CCT7: variants seen among roughly 807,000 people sequenced by gnomAD.
The protein encoded by CCT7 is chaperonin containing TCP1 subunit 7.
Under a neutral mutation model 56.6 loss-of-function variants are expected in CCT7, and 16 were observed. That is an observed-to-expected ratio of 0.28 (90% confidence interval 0.19 to 0.43). The LOEUF (loss-of-function observed/expected upper bound fraction) is 0.43, where lower values mean the gene tolerates loss of function less well. CCT7 is among the 20% of genes least tolerant of loss of function. The probability of loss-of-function intolerance (pLI) is 1.00; values close to 1 mark genes in which losing one functional copy is unlikely to be tolerated. For missense variants in CCT7, 519 were observed against 685.6 expected (o/e 0.76, Z 2.71); for synonymous variants, 262 against 254.8 (o/e 1.03, Z -0.27).
chr2:73,238,974 T>C (rs1686992815), intron 1 of CCT7: 1 of 152,284 alleles, frequency 6.6e-6, no homozygotes, highest in African/African-American at 2.4e-5. Flanking sequence ...CTTTGGGGTA[T>C]CTGATTGGAA....
chr2:73,250,564 G>C (rs763198950), intron 10 of CCT7, 126 bp downstream of exon 10: 60 of 1,016,426 alleles, frequency 5.9e-5, no homozygotes, highest in Non-Finnish European at 7.4e-5. Context: ...GGTGTGGTGA[G>C]CCCTGATTTG....
Position 73,244,065 on chromosome 2 carries a change from GTTTTTT to G in CCT7, c.446+28_446+33del, listed in dbSNP as rs11289471. On this transcript the variant is annotated intron_variant, in intron 5 of 11. Coordinates refer to ENST00000258091, the MANE Select transcript of CCT7 (RefSeq NM_006429.4). Reference sequence around the variant, plus strand: ...CAGATAAAGTGTAAGTCTGTAGTGGGTTTTTTTTTTTTTTTTTAAAGAGACGGAGCC... The same window carrying G: ...CAGATAAAGTGTAAGTCTGTAGTGGGTTTTTTTTTTTAAAGAGACGGAGCC... The G allele has an allele frequency of 7.0e-7, 1 of 1,438,262 alleles. No individual in the cohort carries two copies. The highest frequency in any genetic ancestry group is 9.4e-7 in the Non-Finnish European group (1 of 1,061,016). The allele number at this position is 1,438,262 out of a possible 1,614,324, so 89.1% of individuals were successfully genotyped here.
intron 7 of CCT7, 151 bp downstream of exon 7, chr2:73,248,077 G>C (rs1167821747): frequency 2.8e-6 from 2 of 704,712 alleles, no homozygotes; most frequent in Non-Finnish European, 4.7e-6. Flanking sequence ...TCCATACTCT[G>C]TGTTCTCCCT....
chr2:73,247,323 G>A (rs1028425502), intron 6 of CCT7, among the ~76,000 whole-genome samples: 2 of 152,192 alleles, frequency 1.3e-5, no homozygotes, highest in African/African-American at 4.8e-5. Context: ...GAGGTGTACA[G>A]GAGGATACTT....
chr2:73,242,997 CT>C lies in CCT7; in HGVS notation c.268-5del. Reference sequence around the variant, plus strand: ...GAAAACGTGTATTTCCTGTCATCATCTTCCAGGTGGGTGATGGCACCACCTC... The same window carrying C: ...GAAAACGTGTATTTCCTGTCATCATCTCCAGGTGGGTGATGGCACCACCTC... On this transcript the variant is annotated splice_polypyrimidine_tract_variant and splice_region_variant and intron_variant, in intron 3 of 11. Transcript: ENST00000258091. 1.2e-6 allele frequency: 2 copies of C among 1,613,806 alleles called. No homozygotes were observed. The highest frequency in any genetic ancestry group is 1.7e-6 in the Non-Finnish European group (2 of 1,179,898).
intron 1 of CCT7, among the ~76,000 whole-genome samples, chr2:73,238,785 G>A (rs1005893145): frequency 4.6e-5 from 7 of 152,212 alleles, no homozygotes; most frequent in African/African-American, 7.2e-5. Context: ...GGTTTGCTAA[G>A]CTGAGAAATT....
intron 4 of CCT7, among the ~76,000 whole-genome samples, chr2:73,243,391 A>G (rs988213538): frequency 3.3e-5 from 5 of 152,134 alleles, no homozygotes; most frequent in African/African-American, 9.7e-5. Context: ...TAAGAGACTC[A>G]TGGCATACTA....
Position 73,251,171 on chromosome 2 carries a change from A to C in CCT7, c.1204-55A>C. 2.0e-6 allele frequency: 3 copies of C among 1,538,330 alleles called. 1 individual carries two copies. The highest frequency in any genetic ancestry group is 2.3e-5 in the East Asian group (1 of 44,384). On this transcript the variant is annotated intron_variant, in intron 10 of 11. Coordinates refer to ENST00000258091, the MANE Select transcript of CCT7 (RefSeq NM_006429.4). ...GAAGGGACCTACTGAGTGGCCCAGC[A>C]TGGAAGCTTGGACCAGGGGCCCTCT...
At chr2:73,251,156 A>C (rs1687558226) in intron 10 of CCT7, 70 bp from the exon 11 acceptor site, 3 of 1,420,810 alleles carry the variant, frequency 2.1e-6, no homozygotes, top group Non-Finnish European at 2.0e-6. Context: ...GAAGGGACCT[A>C]CTGAGTGGCC....
At chr2:73,252,078 C>T (rs553367879) in intron 11 of CCT7, among the ~76,000 whole-genome samples, 1 of 152,066 alleles carries the variant, frequency 6.6e-6, no homozygotes, top group Non-Finnish European at 1.5e-5. Context: ...AAGTGTGACC[C>T]TGGGCTAGTT....
chr2:73,252,281 T>C (rs1687623186), intron 11 of CCT7, among the ~76,000 whole-genome samples: 1 of 150,814 alleles, frequency 6.6e-6, no homozygotes, highest in Admixed American at 6.6e-5. Flanking sequence ...AAAGATGGGA[T>C]AGTATTTTTG....
chr2:73,246,618 C>CTGT (rs1687350365), intron 6 of CCT7, among the ~76,000 whole-genome samples: 1 of 152,226 alleles, frequency 6.6e-6, no homozygotes, highest in Non-Finnish European at 1.5e-5. Context: ...TTAACAAAGC[C>CTGT]TGTAAGATCC....
Position 73,252,905 on chromosome 2 carries a change from C to T in CCT7, c.*44C>T, listed in dbSNP as rs563269051. On this transcript the variant is annotated 3_prime_UTR_variant, in exon 12 of 12. Transcript: ENST00000258091. ...CATGGCTGGCTGGCTGCTGGGTGCACTTACCCTCCTTGGCTTGGTTACTTC... is the reference window on the plus strand; with the variant it reads ...CATGGCTGGCTGGCTGCTGGGTGCATTTACCCTCCTTGGCTTGGTTACTTC... 1.4e-6 allele frequency: 2 copies of T among 1,456,416 alleles called. No homozygotes were observed. Among genetic ancestry groups the T allele is most frequent in the South Asian group, 2.3e-5 (2 of 85,516 alleles). The allele number at this position is 1,456,416 out of a possible 1,614,324, so 90.2% of individuals were successfully genotyped here.
intron 1 of CCT7, among the ~76,000 whole-genome samples, chr2:73,236,467 A>G (rs1040056932): frequency 6.6e-6 from 1 of 152,006 alleles, no homozygotes; most frequent in Admixed American, 6.6e-5. Flanking sequence ...CAGCCTCCCA[A>G]GTAGCTGGGA....
intron 6 of CCT7, among the ~76,000 whole-genome samples, chr2:73,245,911 A>C (rs778102930): frequency 6.6e-6 from 1 of 152,142 alleles, no homozygotes; most frequent in Non-Finnish European, 1.5e-5. Flanking sequence ...TCACTGCTTT[A>C]GTAGCGATTT....
Position 73,251,265 on chromosome 2 carries a change from G to T in CCT7, c.1243G>T (p.Glu415Ter). ...VVAGGGAIEM[E>*]LSKYLRDYSR... ...GGCTGGTGGCGGGGCCATTGAGATG[G>T]AACTCTCCAAGTACCTGCGGGATTA... Residue 415 changes from glutamate (E) to a stop codon, truncating the protein, a stop_gained, in exon 11 of 12, where the codon GAA becomes TAA. Coordinates refer to ENST00000258091, the MANE Select transcript of CCT7 (RefSeq NM_006429.4). LOFTEE classifies it high-confidence loss of function. 6.2e-7 allele frequency: 1 copy of T among 1,614,198 alleles called. No homozygotes were observed. The highest frequency in any genetic ancestry group is 8.5e-7 in the Non-Finnish European group (1 of 1,180,028).
intron 1 of CCT7, among the ~76,000 whole-genome samples, chr2:73,238,570 CTTT>C (rs1686973077): frequency 6.6e-6 from 1 of 152,246 alleles, no homozygotes; most frequent in Admixed American, 6.5e-5. Flanking sequence ...GGCTTTCAAA[CTTT>C]TTATTGCATT....
At position 73,252,694 on chromosome 2, in the gene CCT7, G is replaced by A; in HGVS notation, c.1465G>A (p.Glu489Lys). ...INNEDIADNFEAFVWEPAMVR... is the reference protein window; with the variant it reads ...INNEDIADNFKAFVWEPAMVR... ...CAACGAGGACATTGCTGACAACTTT[G>A]AAGCTTTCGTGTGGGAGCCAGCTAT... Residue 489 changes from glutamate to lysine, a missense_variant, in exon 12 of 12, where the codon GAA becomes AAA. By Grantham distance (56) the Glu-to-Lys change is moderately conservative (BLOSUM62 1). Coordinates refer to ENST00000258091, the MANE Select transcript of CCT7 (RefSeq NM_006429.4). The A allele has an allele frequency of 6.2e-7, 1 of 1,614,178 alleles. No homozygotes were observed. Among genetic ancestry groups the A allele is most frequent in the South Asian group, 1.1e-5 (1 of 91,082 alleles).
chr2:73,250,854 G>T lies in CCT7; in HGVS notation c.1204-372G>T, dbSNP rs72905377. Among the ~76,000 whole-genome samples, 1,221 of 151,756 alleles carry T rather than the reference G, an allele frequency of 8.0e-3. 24 individuals carry two copies. The highest frequency in any genetic ancestry group is 0.028 in the African/African-American group (1,141 of 41,364). ...ACTCGGGAGGCTGAGGTGGAAAGAT[G>T]CCTTGAGCCCAGGAGTTGGAGGTTA... is the stretch of plus-strand genomic sequence containing the variant. On this transcript the variant is annotated intron_variant, in intron 10 of 11. Transcript: ENST00000258091.
Sources: gnomAD v4.1 joint callset for allele counts (sites outside exome capture counted in the v4.1 genomes callset) on GRCh38, gnomAD v4.1.1 for gene constraint, MANE v1.5 for transcripts, NCBI Gene and HGNC (gene_info 2026-07-23, HGNC 2026-07-21) for gene names.